Variants in CR1 observed in about 807,000 individuals in gnomAD.
The protein encoded by CR1 is complement receptor type 1.
A neutral mutation model predicts 187.3 loss-of-function variants in CR1; 116 were observed. The ratio of observed to expected loss-of-function variants is 0.62; its 90% CI spans 0.53 to 0.72. CR1 has a LOEUF of 0.72. CR1 is among the 30% of genes least tolerant of loss of function. The pLI, the probability that CR1 is intolerant of heterozygous loss-of-function variation, is 0.00. For synonymous variants in CR1, 576 were observed against 747.1 expected, an observed-to-expected ratio of 0.77 and a Z score of 3.73; for missense variants, 1,731 against 2,110.7, an observed-to-expected ratio of 0.82 and a Z score of 3.52.
At chr1:207,585,524 G>A (rs1355648899) in intron 33 of CR1, among the ~76,000 whole-genome samples, 1 of 152,204 alleles carries the variant, frequency 6.6e-6, no homozygotes, top group Non-Finnish European at 1.5e-5. Context: ...AGGGGAAGAA[G>A]TTGCCTGGTC....
chr1:207,634,808 GA>G (rs1662763672), intron 46 of CR1, among the ~76,000 whole-genome samples: 1 of 152,202 alleles, frequency 6.6e-6, no homozygotes, highest in Non-Finnish European at 1.5e-5. Context: ...ACCCCTCCAA[GA>G]TGACCAGTTC....
intron 46 of CR1, among the ~76,000 whole-genome samples, chr1:207,630,988 T>C (rs1041146066): frequency 2.0e-5 from 3 of 152,198 alleles, no homozygotes; most frequent in African/African-American, 7.2e-5. Context: ...AGAGTCACTT[T>C]AATGTCCTCT....
At position 207,596,234 on chromosome 1, in the gene CR1, A is replaced by G. The variant is rs1238297971; in HGVS notation, c.5810+7460A>G. 9.2e-5 allele frequency among the ~76,000 whole-genome samples: 14 copies of G among 152,174 alleles called. No homozygotes were observed. The East Asian group carries it at 2.7e-3, about 29-fold the overall frequency. The stretch of plus-strand genomic sequence containing the variant: ...TACGTTAAAGTGAATTAATACATGT[A>G]TTTTAATGCCTCAGTTTTTCTTTCT... On this transcript the variant is annotated intron_variant, in intron 35 of 46. Coordinates refer to ENST00000367049, the MANE Select transcript of CR1 (RefSeq NM_000651.6).
chr1:207,505,136 A>G (rs1659388496), intron 1 of CR1, among the ~76,000 whole-genome samples: 6 of 152,198 alleles, frequency 3.9e-5, no homozygotes, highest in Admixed American at 3.9e-4. Flanking sequence ...CTACTGTTGT[A>G]AAGGAATAAG....
chr1:207,509,073 A>G (rs1236015984), intron 3 of CR1, among the ~76,000 whole-genome samples: 13 of 152,210 alleles, frequency 8.5e-5, no homozygotes, highest in Admixed American at 8.5e-4. Context: ...GTGCTAACCT[A>G]AATAATTCAC....
At position 207,515,024 on chromosome 1, in the gene CR1, CACAT is replaced by C. The variant is rs778040023; in HGVS notation, c.487+3372_487+3375del. ...ACACACACACACACACACACACACACACATATATACATATATACTTATATGTATA... is the reference window on the plus strand; with the variant it reads ...ACACACACACACACACACACACACACATATACATATATACTTATATGTATA... On this transcript the variant is annotated intron_variant, in intron 4 of 46. Transcript: ENST00000367049. Among the ~76,000 whole-genome samples, 152 of 145,996 alleles carry C rather than the reference CACAT, an allele frequency of 1.0e-3. 3 individuals are homozygous for C. The South Asian group carries it at 0.021, about 20-fold the overall frequency.
intron 4 of CR1, among the ~76,000 whole-genome samples, chr1:207,519,568 C>T (rs1163047436): frequency 1.3e-5 from 2 of 152,164 alleles, no homozygotes; most frequent in East Asian, 3.8e-4. Context: ...AGTACCGAAA[C>T]TATTAATAGT....
At chr1:207,601,909 G>T (rs901914886) in intron 35 of CR1, among the ~76,000 whole-genome samples, 7 of 151,996 alleles carry the variant, frequency 4.6e-5, no homozygotes, top group Non-Finnish European at 1.0e-4. Context: ...GACTTGGACT[G>T]CAGGACACTT....
chr1:207,507,235 T>C (rs1659468780), intron 3 of CR1: 1 of 154,762 alleles, frequency 6.5e-6, no homozygotes, highest in Non-Finnish European at 1.4e-5. Flanking sequence ...AACGGGTGGC[T>C]TAACACAAAT....
At chr1:207,576,148 A>C (rs575807102) in intron 28 of CR1, among the ~76,000 whole-genome samples, 8 of 152,324 alleles carry the variant, frequency 5.3e-5, no homozygotes, top group African/African-American at 1.2e-4. Flanking sequence ...AGCTTTCTAC[A>C]TTTTGGGGAG....
chr1:207,514,026 T>G (rs1272485065), intron 4 of CR1, among the ~76,000 whole-genome samples: 1 of 152,136 alleles, frequency 6.6e-6, no homozygotes, highest in East Asian at 1.9e-4. Context: ...TGCTAAAAAA[T>G]TTATGTCTTT....
chr1:207,511,537 A>G (rs1381386900), intron 3 of CR1, 32 bp from the exon 4 acceptor site: 4 of 1,600,044 alleles, frequency 2.5e-6, no homozygotes, highest in Non-Finnish European at 3.4e-6. Flanking sequence ...CTGTGTCTTT[A>G]GAATGTAACA....
chr1:207,573,736 A>T (rs1176625725), intron 27 of CR1, among the ~76,000 whole-genome samples: 11 of 152,320 alleles, frequency 7.2e-5, no homozygotes. Flanking sequence ...CATACATGTG[A>T]TCTATATCAT....
intron 35 of CR1, among the ~76,000 whole-genome samples, chr1:207,594,183 G>C (rs2102363005): frequency 6.6e-6 from 1 of 152,236 alleles, no homozygotes; most frequent in Non-Finnish European, 1.5e-5. Context: ...GTTCACAATA[G>C]CAAAGACTTG....
At chr1:207,574,860 A>G (rs1275970691) in intron 27 of CR1, among the ~76,000 whole-genome samples, 6 of 152,226 alleles carry the variant, frequency 3.9e-5, no homozygotes, top group African/African-American at 1.2e-4. Flanking sequence ...AAATTATTAG[A>G]ATAACTAAAA....
At chr1:207,595,814 T>A (rs1034940148) in intron 35 of CR1, among the ~76,000 whole-genome samples, 1 of 151,660 alleles carries the variant, frequency 6.6e-6, no homozygotes, top group African/African-American at 2.4e-5. Context: ...TAAAACTGTT[T>A]TATTTAATAT....
intron 4 of CR1, among the ~76,000 whole-genome samples, chr1:207,519,293 A>C (rs1276449129): frequency 1.3e-5 from 2 of 151,872 alleles, no homozygotes; most frequent in Non-Finnish European, 2.9e-5. Context: ...GAACATTAAA[A>C]TTTAATAATA....
Position 207,619,991 on chromosome 1 carries a change from C to G in CR1, c.7178C>G (p.Thr2393Ser), listed in dbSNP as rs1200358684. 1 of 1,613,708 alleles carries G rather than the reference C, an allele frequency of 6.2e-7. No homozygotes were observed. The highest frequency in any genetic ancestry group is 2.2e-5 in the East Asian group (1 of 44,886). ...ACTTTGAAGTGTGAAGATGGGTATACTCTGGAAGGCAGTCCCTGGAGCCAG... is the reference window on the plus strand; with the variant it reads ...ACTTTGAAGTGTGAAGATGGGTATAGTCTGGAAGGCAGTCCCTGGAGCCAG... The part of the protein sequence containing the change: ...YVTLKCEDGY[T>S]LEGSPWSQCQ... Residue 2393 changes from threonine to serine, a missense_variant, in exon 43 of 47, where the codon ACT becomes AGT. Coordinates refer to ENST00000367049, the MANE Select transcript of CR1 (RefSeq NM_000651.6).
At chr1:207,507,555 A>C (rs1659479238) in intron 3 of CR1, 1 of 152,214 alleles carries the variant, frequency 6.6e-6, no homozygotes, top group Non-Finnish European at 1.5e-5. Context: ...ACCTCATCTT[A>C]ACTGGATTGC....
Sources: allele counts gnomAD v4.1 joint callset (sites outside exome capture counted in the v4.1 genomes callset), GRCh38; gene constraint gnomAD v4.1.1; transcripts MANE v1.5; gene names NCBI Gene and HGNC (gene_info 2026-07-23, HGNC 2026-07-21).